Variants in PHOX2B observed in about 807,000 individuals in gnomAD.
PHOX2B encodes the protein paired like homeobox 2B.
PHOX2B carries 1 observed loss-of-function variant against 15.5 expected under a neutral mutation model. That is an observed-to-expected ratio of 0.06 (90% CI 0.02 to 0.31). The LOEUF (loss-of-function observed/expected upper bound fraction) is 0.31, where lower values mean the gene tolerates loss of function less well. Among genes scored for constraint, PHOX2B ranks in the 10% least tolerant of loss-of-function variants. The probability of loss-of-function intolerance (pLI) is 1.00; values close to 1 mark genes in which losing one functional copy is unlikely to be tolerated. For synonymous variants in PHOX2B, 206 were observed against 190.5 expected (o/e 1.08, Z -0.67); for missense variants, 314 against 436.4 (o/e 0.72, Z 2.50).
chr4:41,745,984 T>TGCCGCCGCC lies in PHOX2B; in HGVS notation c.767_768insGGCGGCGGC (p.Ala258_Ala260dup). 8.0e-7 allele frequency: 1 copy of TGCCGCCGCC among 1,255,484 alleles called. No homozygotes were observed. The highest frequency in any genetic ancestry group is 1.0e-6 in the Non-Finnish European group (1 of 1,002,810). 77.8% of individuals were successfully genotyped at this position (1,255,484 alleles called of 1,614,324 possible). A position where few individuals can be genotyped will look rare whatever the true frequency, so the allele number is the denominator to read the frequency against. ...CAGCCAGGCCTCCAGCTGCCGCCGC[T>TGCCGCCGCC]GCCGCTGCCGCCGCCGCCGCTGCCG... On this transcript the variant is annotated inframe_insertion, in exon 3 of 3. Coordinates refer to ENST00000226382, the MANE Select transcript of PHOX2B (RefSeq NM_003924.4). This position sits in a 1 kb window ranked among gnomAD's most constrained non-coding sequence, Gnocchi z 4.0.
intron 2 of PHOX2B, among the ~76,000 whole-genome samples, chr4:41,747,061 C>A (rs1239502734): frequency 6.6e-6 from 1 of 152,226 alleles, no homozygotes; most frequent in Admixed American, 6.5e-5. Flanking sequence ...CCTTCCACCA[C>A]AGGCACTTCC....
chr4:41,746,192 G>T lies in PHOX2B; in HGVS notation c.560C>A (p.Ala187Asp), dbSNP rs1191400815. The change falls in exon 3 of 3, where the codon GCC (alanine) becomes GAC (aspartate). Residue 187 changes from alanine (A) to aspartate (D), a missense_variant. Coordinates refer to ENST00000226382, the MANE Select transcript of PHOX2B (RefSeq NM_003924.4). ...AGTGCTGTCCGGGTCAGTGCTCTTGGCCTCTTTGCTCTCGTCGTCCCTGGA... is the reference window on the plus strand; with the variant it reads ...AGTGCTGTCCGGGTCAGTGCTCTTGTCCTCTTTGCTCTCGTCGTCCCTGGA... Reference protein sequence around the residue: ...DSSRDDESKEAKSTDPDSTGG... With the variant: ...DSSRDDESKEDKSTDPDSTGG... 3.1e-6 allele frequency: 5 copies of T among 1,613,772 alleles called. No individual in the cohort carries two copies. The highest frequency in any genetic ancestry group is 2.2e-5 in the East Asian group (1 of 44,846).
intron 1 of PHOX2B, 139 bp downstream of exon 1, chr4:41,748,231 C>A: frequency 3.2e-6 from 3 of 934,390 alleles, no homozygotes; most frequent in Non-Finnish European, 3.3e-6. Flanking sequence ...TCGCTTCTAA[C>A]GTGATAAATT....
chr4:41,744,324 C>G lies in PHOX2B; in HGVS notation c.*1483G>C, dbSNP rs1055536457. The G allele has an allele frequency of 2.2e-5, 5 of 228,462 alleles. No homozygotes were observed. Among genetic ancestry groups the G allele is most frequent in the South Asian group, 1.8e-4 (1 of 5,468 alleles). The allele number at this position is 228,462 out of a possible 1,614,324, so 14.2% of individuals were successfully genotyped here. The stretch of plus-strand genomic sequence containing the variant: ...CAAAAATATATACCATTGTCTGAAC[C>G]GTGGCCTCTCTAAACACAAAAGATT... On this transcript the variant is annotated 3_prime_UTR_variant, in exon 3 of 3. Transcript: ENST00000226382.
At chr4:41,747,326 G>A (rs757155646) in intron 2 of PHOX2B, 23 bp downstream of exon 2, 5 of 1,593,204 alleles carry the variant, frequency 3.1e-6, no homozygotes, top group Non-Finnish European at 3.4e-6. Flanking sequence ...GGCGGAGCGG[G>A]GTCGGTTTCC....
In PHOX2B at chr4:41,746,032, G is replaced by T; in HGVS notation, c.720C>A (p.Gly240=). ...CCGCGGCCGCCGCCGCTGCTGCTGCGCCGCCCTTGCCGGGTTCGCCTCCCG... is the reference window on the plus strand; with the variant it reads ...CCGCGGCCGCCGCCGCTGCTGCTGCTCCGCCCTTGCCGGGTTCGCCTCCCG... The part of the protein sequence containing the change: ...GGPGGEPGKG[G]AAAAAAAAAA... Residue 240 remains glycine, a synonymous_variant, in exon 3 of 3, where the codon GGC becomes GGA. Transcript: ENST00000226382. 1 of 1,206,846 alleles carries T rather than the reference G, an allele frequency of 8.3e-7. No individual in the cohort carries two copies. The allele number at this position is 1,206,846 out of a possible 1,614,324, so 74.8% of individuals were successfully genotyped here.
At chr4:41,747,983 A>C (rs951640937) in intron 1 of PHOX2B, among the ~76,000 whole-genome samples, 1 of 152,212 alleles carries the variant, frequency 6.6e-6, no homozygotes. Flanking sequence ...AATAAATTAA[A>C]GAAATAATCA....
Position 41,745,690 on chromosome 4 carries a change from A to C in PHOX2B, c.*117T>G. 7.4e-7 allele frequency: 1 copy of C among 1,348,656 alleles called. No homozygotes were observed. Among genetic ancestry groups the C allele is most frequent in the Admixed American group, 2.6e-5 (1 of 38,828 alleles). The allele number at this position is 1,348,656 out of a possible 1,614,324, so 83.5% of individuals were successfully genotyped here. ...GCGCGATTACTTTAGGCCCTCAATG[A>C]AAAAGCCATGGCAGCAGCGACGACA... On this transcript the variant is annotated 3_prime_UTR_variant, in exon 3 of 3. Coordinates refer to ENST00000226382, the MANE Select transcript of PHOX2B (RefSeq NM_003924.4). This position sits in a 1 kb window ranked among gnomAD's most constrained non-coding sequence, Gnocchi z 4.0.
At position 41,744,672 on chromosome 4, in the gene PHOX2B, A is replaced by G; in HGVS notation, c.*1135T>C. On this transcript the variant is annotated 3_prime_UTR_variant, in exon 3 of 3. Transcript: ENST00000226382. The stretch of plus-strand genomic sequence containing the variant: ...TCCAGTTCGGATCATTCCAACAGAA[A>G]TGCAAACCGAGACACCCCTGCAAAC... 1 of 233,586 alleles carries G rather than the reference A, an allele frequency of 4.3e-6. No homozygotes were observed. Among genetic ancestry groups the G allele is most frequent in the East Asian group, 6.0e-5 (1 of 16,562 alleles). The allele number at this position is 233,586 out of a possible 1,614,324, so 14.5% of individuals were successfully genotyped here. A position where few individuals can be genotyped will look rare whatever the true frequency, so the allele number is the denominator to read the frequency against.
Position 41,746,335 on chromosome 4 carries a change from G to A in PHOX2B, c.430-13C>T. 1 of 1,613,314 alleles carries A rather than the reference G, an allele frequency of 6.2e-7. No individual in the cohort carries two copies. The highest frequency in any genetic ancestry group is 8.5e-7 in the Non-Finnish European group (1 of 1,179,630). ...TCTGGAACCACACCTGGCCCAAGAC[G>A]GAAGGAGAGACGGTGAAGCAGGGGG... On this transcript the variant is annotated splice_polypyrimidine_tract_variant and intron_variant, in intron 2 of 2. Coordinates refer to ENST00000226382, the MANE Select transcript of PHOX2B (RefSeq NM_003924.4).
rs1044995380 is a variant in PHOX2B at position 41,746,060 on chromosome 4, C to T, written c.692G>A (p.Gly231Asp). The change falls in exon 3 of 3, where the codon GGC (glycine) becomes GAC (aspartate). Residue 231 changes from glycine (G) to aspartate (D), a missense_variant. Physicochemically the swap from Gly to Asp is moderately conservative, Grantham distance 94. This residue lies in a region of PHOX2B where 157 missense variants were observed against 169.0 expected (regional missense o/e 0.93). Transcript: ENST00000226382. ...AGAPGAAGPG[G>D]PGGEPGKGGA... Reference sequence around the variant, plus strand: ...GCCCTTGCCGGGTTCGCCTCCCGGGCCCCCGGGCCCCGCCGCCCCCGGAGC... The same window carrying T: ...GCCCTTGCCGGGTTCGCCTCCCGGGTCCCCGGGCCCCGCCGCCCCCGGAGC... 1.1e-5 allele frequency: 15 copies of T among 1,355,752 alleles called. No individual in the cohort carries two copies. Among genetic ancestry groups the T allele is most frequent in the Non-Finnish European group, 1.3e-5 (14 of 1,061,652 alleles). 84.0% of individuals were successfully genotyped at this position (1,355,752 alleles called of 1,614,324 possible). A position where few individuals can be genotyped will look rare whatever the true frequency, so the allele number is the denominator to read the frequency against.
rs1027689342 is a variant in PHOX2B at position 41,745,359 on chromosome 4, T to C, written c.*448A>G. The C allele has an allele frequency of 2.1e-5, 5 of 235,378 alleles. No homozygotes were observed. Among genetic ancestry groups the C allele is most frequent in the Middle Eastern group, 1.2e-3 (1 of 814 alleles). 14.6% of individuals were successfully genotyped at this position (235,378 alleles called of 1,614,324 possible). A position where few individuals can be genotyped will look rare whatever the true frequency, so the allele number is the denominator to read the frequency against. On this transcript the variant is annotated 3_prime_UTR_variant, in exon 3 of 3. Transcript: ENST00000226382. This position sits in a 1 kb window ranked among gnomAD's most constrained non-coding sequence, Gnocchi z 4.0. ...TTTTGTTTTTATTTTTACTTTTTTG[T>C]CTTTTTTTTCTAAACAAGTCACTAA...
chr4:41,745,900 C>T lies in PHOX2B; in HGVS notation c.852G>A (p.Pro284=). 1.2e-6 allele frequency: 2 copies of T among 1,607,426 alleles called. No homozygotes were observed. The highest frequency in any genetic ancestry group is 1.7e-6 in the Non-Finnish European group (2 of 1,177,118). The change falls in exon 3 of 3, where the codon CCG becomes CCA. Residue 284 remains proline, a synonymous_variant. Coordinates refer to ENST00000226382, the MANE Select transcript of PHOX2B (RefSeq NM_003924.4). The surrounding 1 kb of genome is among the most constrained non-coding windows in gnomAD (Gnocchi z 4.0). The part of the protein sequence containing the change: ...APGPGPITSI[P]DSLGGPFASV... ...TGGCGAAGGGACCCCCAAGCGAATCCGGGATGGAGGTGATGGGGCCGGGGC... is the reference window on the plus strand; with the variant it reads ...TGGCGAAGGGACCCCCAAGCGAATCTGGGATGGAGGTGATGGGGCCGGGGC...
chr4:41,747,613 C>G, intron 1 of PHOX2B, 77 bp from the exon 2 acceptor site: 1 of 1,248,666 alleles, frequency 8.0e-7, no homozygotes, highest in Non-Finnish European at 1.2e-6. Flanking sequence ...AATGTGAGGA[C>G]TCCAAGGTCA....
At position 41,748,710 on chromosome 4, in the gene PHOX2B, G is replaced by T; in HGVS notation, c.-100C>A. The T allele has an allele frequency of 8.6e-7, 1 of 1,157,898 alleles. No homozygotes were observed. The highest frequency in any genetic ancestry group is 1.3e-6 in the Non-Finnish European group (1 of 786,492). 71.7% of individuals were successfully genotyped at this position (1,157,898 alleles called of 1,614,324 possible). On this transcript the variant is annotated 5_prime_UTR_variant, in exon 1 of 3. Transcript: ENST00000226382. ...GGGAGATGTGCACAGCTCAACGCCT[G>T]CCTCCAAACTGGCCTCCTTACTACC...
In PHOX2B at chr4:41,746,221, G is replaced by A. The variant is rs746303997; in HGVS notation, c.531C>T (p.Asp177=). 9 of 1,613,770 alleles carry A rather than the reference G, an allele frequency of 5.6e-6. No homozygotes were observed. The African/African-American group carries it at 9.3e-5, about 17-fold the overall frequency. ...CTTTGCTCTCGTCGTCCCTGGAAGA[G>A]TCAGACTTTTTGCCCGAGGAGCCGT... ...AKNGSSGKKS[D]SSRDDESKEA... is the part of the protein sequence containing the mutation. Residue 177 remains aspartate (D), a synonymous_variant, in exon 3 of 3, where the codon GAC becomes GAT. Transcript: ENST00000226382.
Position 41,745,482 on chromosome 4 carries a change from G to A in PHOX2B, c.*325C>T, listed in dbSNP as rs1466721187. The A allele has an allele frequency of 3.0e-6, 1 of 328,884 alleles. No homozygotes were observed. Among genetic ancestry groups the A allele is most frequent in the Non-Finnish European group, 5.6e-6 (1 of 177,934 alleles). 20.4% of individuals were successfully genotyped at this position (328,884 alleles called of 1,614,324 possible). ...AACTGACACGCAGACACAGCCCCCT[G>A]AGAGTGCCCCGCGTCCAGGCCGCGC... On this transcript the variant is annotated 3_prime_UTR_variant, in exon 3 of 3. Coordinates refer to ENST00000226382, the MANE Select transcript of PHOX2B (RefSeq NM_003924.4). This position sits in a 1 kb window ranked among gnomAD's most constrained non-coding sequence, Gnocchi z 4.0.
chr4:41,747,824 A>T (rs1403403793), intron 1 of PHOX2B: 4 of 612,254 alleles, frequency 6.5e-6, no homozygotes, highest in Non-Finnish European at 1.2e-5. Context: ...AGCAGGAAAA[A>T]ACCAGAGAGG....
At chr4:41,747,730 C>G (rs1733958794) in intron 1 of PHOX2B, 194 bp from the exon 2 acceptor site, 3 of 700,866 alleles carry the variant, frequency 4.3e-6, no homozygotes, top group Non-Finnish European at 2.6e-6. Flanking sequence ...GCTCAAACTT[C>G]GGGCTTGGCG....
Sources: allele counts gnomAD v4.1 joint callset (sites outside exome capture counted in the v4.1 genomes callset), GRCh38; gene constraint gnomAD v4.1.1; regional missense constraint gnomAD v4.1.1; non-coding constraint Gnocchi (gnomAD v3.1); transcripts MANE v1.5; gene names NCBI Gene and HGNC (gene_info 2026-07-23, HGNC 2026-07-21).